The following FRMD6 variants were observed in gnomAD, a reference collection of about 807,000 sequenced individuals.
FRMD6 encodes the protein FERM domain containing 6.
A neutral mutation model predicts 73.2 loss-of-function variants in FRMD6; 37 were observed. The observed-to-expected ratio is 0.51, with a 90% CI of 0.39 to 0.66. The LOEUF is 0.66. FRMD6 is among the 30% of genes least tolerant of loss of function. FRMD6 has a pLI of 0.00. For synonymous variants in FRMD6, 273 were observed against 282.2 expected (o/e 0.97, Z 0.33); for missense variants, 714 against 780.5 (o/e 0.91, Z 1.02).
At chr14:51,479,049 T>A in the FRMD6 span, among the ~76,000 whole-genome samples, 1 of 152,212 alleles carries the variant, frequency 6.6e-6, no homozygotes, top group East Asian at 1.9e-4. Context: ...CAGGGCAGAA[T>A]TAACAACCTC....
At chr14:51,703,630 A>G (rs1245568318) in intron 5 of FRMD6, among the ~76,000 whole-genome samples, 2 of 152,056 alleles carry the variant, frequency 1.3e-5, no homozygotes, top group Admixed American at 6.6e-5. Context: ...ATGCATCCCT[A>G]TACTTCTGCC....
At chr14:51,574,132 G>A (rs1888284892) in intron 2 of FRMD6, among the ~76,000 whole-genome samples, 1 of 152,114 alleles carries the variant, frequency 6.6e-6, no homozygotes, top group Non-Finnish European at 1.5e-5. Flanking sequence ...GTCTTCCTGT[G>A]CTTGCCCTGC....
At chr14:51,549,315 A>AT (rs1237070032) in intron 1 of FRMD6, among the ~76,000 whole-genome samples, 5 of 152,190 alleles carry the variant, frequency 3.3e-5, no homozygotes, top group East Asian at 1.9e-4. Flanking sequence ...TTACAAGCAG[A>AT]TTTTTTGTGT....
At chr14:51,648,031 G>C (rs542469396), upstream of FRMD6, among the ~76,000 whole-genome samples, 24 of 152,242 alleles carry the variant, frequency 1.6e-4, no homozygotes, top group South Asian at 3.3e-3. Flanking sequence ...CTCCATGTTG[G>C]TCAGGCTGGT....
At chr14:51,720,610 G>A in intron 11 of FRMD6, 1 of 560,004 alleles carries the variant, frequency 1.8e-6, no homozygotes, top group Non-Finnish European at 3.2e-6. Context: ...AGACTGGATG[G>A]TTGTAGACTC....
At chr14:51,514,198 G>A (rs547307540) in intron 1 of FRMD6, among the ~76,000 whole-genome samples, 5 of 152,254 alleles carry the variant, frequency 3.3e-5, no homozygotes, top group African/African-American at 1.2e-4. Flanking sequence ...GCAGGAGGTC[G>A]CTGGGTAGAG....
In FRMD6 at chr14:51,528,915, G is replaced by A. The variant is rs563921927; in HGVS notation, c.-210+39495G>A. Reference sequence around the variant, plus strand: ...AGTTTCCTCCTGCCACTAAGGCTCAGTAGAGCTTTCCCATCAAAGGGTGCT... The same window carrying A: ...AGTTTCCTCCTGCCACTAAGGCTCAATAGAGCTTTCCCATCAAAGGGTGCT... On this transcript the variant is annotated intron_variant, in intron 1 of 14. Coordinates refer to the FRMD6 transcript ENST00000356218. 1.1e-3 allele frequency among the ~76,000 whole-genome samples: 170 copies of A among 152,270 alleles called. 1 individual carries two copies. Among genetic ancestry groups the A allele is most frequent in the African/African-American group, 3.9e-3 (161 of 41,554 alleles).
the FRMD6 span, among the ~76,000 whole-genome samples, chr14:51,425,489 A>G: frequency 5.9e-5 from 9 of 152,186 alleles, no homozygotes; most frequent in South Asian, 2.1e-4. Flanking sequence ...ACTGCTTGAT[A>G]TCTTCTTCTG....
At chr14:51,567,417 G>A (rs1178257972) in intron 1 of FRMD6, among the ~76,000 whole-genome samples, 1 of 152,166 alleles carries the variant, frequency 6.6e-6, no homozygotes, top group East Asian at 1.9e-4. Context: ...AGGCATCATA[G>A]CTCACTGCAA....
At chr14:51,459,884 C>CTTTTTTTTTTTT in the FRMD6 span, among the ~76,000 whole-genome samples, 151 of 74,624 alleles carry the variant, frequency 2.0e-3, 19 homozygotes, top group African/African-American at 3.7e-3. Flanking sequence ...TACTGACTCT[C>CTTTTTTTTTTTT]TTTTTTTTTT....
chr14:51,635,266 T>A (rs1436247149), intron 2 of FRMD6, among the ~76,000 whole-genome samples: 1 of 152,228 alleles, frequency 6.6e-6, no homozygotes, highest in East Asian at 1.9e-4. Context: ...CATATTAGCG[T>A]GTGCCTGTGA....
At chr14:51,621,385 GAC>G (rs1462844374) in intron 2 of FRMD6, among the ~76,000 whole-genome samples, 1 of 152,132 alleles carries the variant, frequency 6.6e-6, no homozygotes, top group Non-Finnish European at 1.5e-5. Flanking sequence ...GTGATGAACT[GAC>G]ACAGTGTGAC....
chr14:51,673,612 C>T (rs1045150565), intron 1 of FRMD6, among the ~76,000 whole-genome samples: 1 of 152,096 alleles, frequency 6.6e-6, no homozygotes, highest in African/African-American at 2.4e-5. Flanking sequence ...GAGGACAATT[C>T]CTGCAGCAAT....
At chr14:51,500,772 G>GTA (rs1294362466) in intron 1 of FRMD6, among the ~76,000 whole-genome samples, 4 of 151,872 alleles carry the variant, frequency 2.6e-5, no homozygotes, top group African/African-American at 7.3e-5. Context: ...GTGTGTGTGT[G>GTA]TATATACACA....
At chr14:51,643,202 C>T (rs536122371) in intron 2 of FRMD6, among the ~76,000 whole-genome samples, 1 of 151,756 alleles carries the variant, frequency 6.6e-6, no homozygotes, top group East Asian at 1.9e-4. Context: ...CAAGGTAATA[C>T]ATATAAACGT....
intron 1 of FRMD6, among the ~76,000 whole-genome samples, chr14:51,552,648 C>T (rs950338526): frequency 6.6e-6 from 1 of 152,156 alleles, no homozygotes; most frequent in Non-Finnish European, 1.5e-5. Context: ...TTTCTTTCTT[C>T]AGGAGAAGTA....
chr14:51,448,468 C>A, the FRMD6 span, among the ~76,000 whole-genome samples: 1 of 152,166 alleles, frequency 6.6e-6, no homozygotes, highest in African/African-American at 2.4e-5. Flanking sequence ...TAGTACACAG[C>A]CGGTGATAAA....
At chr14:51,659,379 T>A (rs140969434) in intron 1 of FRMD6, among the ~76,000 whole-genome samples, 1 of 152,248 alleles carries the variant, frequency 6.6e-6, no homozygotes, top group Non-Finnish European at 1.5e-5. Context: ...AAAGGACTTA[T>A]AGTTTTATTG....
intron 3 of FRMD6, among the ~76,000 whole-genome samples, chr14:51,699,760 T>G (rs965114728): frequency 1.3e-5 from 2 of 152,016 alleles, no homozygotes; most frequent in Non-Finnish European, 2.9e-5. Flanking sequence ...ATATGTACTA[T>G]TATGGTGAAC....
Sources: gnomAD v4.1 joint callset for allele counts (sites outside exome capture counted in the v4.1 genomes callset) on GRCh38, gnomAD v4.1.1 for gene constraint, MANE v1.5 for transcripts, NCBI Gene and HGNC (gene_info 2026-07-23, HGNC 2026-07-21) for gene names.